Variants in GOLM2 observed in about 807,000 individuals in gnomAD.
GOLM2 encodes golgi membrane protein 2, also known as protein GOLM2.
GOLM2 carries 26 observed loss-of-function variants against 55.9 expected under a neutral mutation model. The observed-to-expected ratio is 0.47, with a 90% CI of 0.34 to 0.65. The LOEUF is 0.65. Ranked by LOEUF, GOLM2 falls within the 30% of genes least tolerant of loss-of-function variation. The pLI, the probability that GOLM2 is intolerant of heterozygous loss-of-function variation, is 0.01. For synonymous variants in GOLM2, 165 were observed against 194.6 expected (o/e 0.85, Z 1.27); for missense variants, 486 against 531.8 (o/e 0.91, Z 0.85).
chr15:44,296,272 CTG>C (rs1174044705), intron 1 of GOLM2, among the ~76,000 whole-genome samples: 1 of 152,164 alleles, frequency 6.6e-6, no homozygotes. Context: ...TGTGGTCCAG[CTG>C]TGGCACGTCA....
chr15:44,371,176 A>G (rs1313043180), intron 6 of GOLM2, among the ~76,000 whole-genome samples: 1 of 152,174 alleles, frequency 6.6e-6, no homozygotes, highest in Non-Finnish European at 1.5e-5. Flanking sequence ...CCAAACTCTG[A>G]TGATCTCTGT....
chr15:44,351,518 A>G (rs1425271136), intron 6 of GOLM2, among the ~76,000 whole-genome samples: 2 of 143,268 alleles, frequency 1.4e-5, no homozygotes, highest in African/African-American at 5.1e-5. Flanking sequence ...CACAGCTTGC[A>G]GTGAGCTGAG....
At chr15:44,303,164 A>G (rs2141112016) in intron 1 of GOLM2, among the ~76,000 whole-genome samples, 1 of 152,256 alleles carries the variant, frequency 6.6e-6, no homozygotes. Flanking sequence ...GTATAAATCT[A>G]ACACTTAATA....
intron 4 of GOLM2, among the ~76,000 whole-genome samples, chr15:44,335,693 C>G (rs1204875192): frequency 6.6e-6 from 1 of 151,898 alleles, no homozygotes; most frequent in Non-Finnish European, 1.5e-5. Context: ...AATGATTAAA[C>G]TATCAGAATT....
chr15:44,362,739 A>G (rs1310269890), intron 6 of GOLM2, among the ~76,000 whole-genome samples: 1 of 152,238 alleles, frequency 6.6e-6, no homozygotes, highest in Non-Finnish European at 1.5e-5. Flanking sequence ...CGCCAAGTCA[A>G]TCCTAAGCCA....
intron 6 of GOLM2, among the ~76,000 whole-genome samples, chr15:44,369,228 G>A (rs1449785650): frequency 7.0e-6 from 1 of 143,468 alleles, no homozygotes; most frequent in African/African-American, 2.6e-5. Flanking sequence ...GTGTGTGTGT[G>A]TGTGTGTTTG....
chr15:44,364,760 C>T (rs1169820214), intron 6 of GOLM2, among the ~76,000 whole-genome samples: 2 of 151,900 alleles, frequency 1.3e-5, no homozygotes, highest in Non-Finnish European at 2.9e-5. Context: ...AAACAGACAC[C>T]TCACCAAAGA....
intron 6 of GOLM2, among the ~76,000 whole-genome samples, chr15:44,363,024 C>G (rs1282526996): frequency 6.6e-6 from 1 of 152,154 alleles, no homozygotes; most frequent in African/African-American, 2.4e-5. Flanking sequence ...CTTCCTTACA[C>G]CTTATACAAA....
Position 44,379,913 on chromosome 15 carries a change from A to AT in GOLM2, c.901+134dup, listed in dbSNP as rs896657885. 198 of 490,462 alleles carry AT rather than the reference A, an allele frequency of 4.0e-4. No homozygotes were observed. In the Middle Eastern group the frequency reaches 6.1e-3, roughly 15 times the overall value. The allele number at this position is 490,462 out of a possible 1,614,324, so 30.4% of individuals were successfully genotyped here. A position where few individuals can be genotyped will look rare whatever the true frequency, so the allele number is the denominator to read the frequency against. Reference sequence around the variant, plus strand: ...AGCATTTATTCTTTGAGGTAATGTTATTTTTTTTTAGACTAGTAAAAGCAG... The same window carrying AT: ...AGCATTTATTCTTTGAGGTAATGTTATTTTTTTTTTAGACTAGTAAAAGCAG... On this transcript the variant is annotated intron_variant, in intron 7 of 9. Coordinates refer to ENST00000299957, the MANE Select transcript of GOLM2 (RefSeq NM_138423.4).
chr15:44,305,245 C>T (rs1567021029), intron 1 of GOLM2, among the ~76,000 whole-genome samples: 1 of 152,132 alleles, frequency 6.6e-6, no homozygotes, highest in Non-Finnish European at 1.5e-5. Context: ...AGCAATTTGC[C>T]TGCCTTGGCC....
chr15:44,383,235 T>C (rs549152662), intron 8 of GOLM2, among the ~76,000 whole-genome samples: 3 of 152,012 alleles, frequency 2.0e-5, no homozygotes, highest in African/African-American at 7.2e-5. Flanking sequence ...ATTTTCTCAT[T>C]GTAGCTGTCA....
At chr15:44,406,574 A>G (rs1394149885) in intron 9 of GOLM2, 2 of 152,166 alleles carry the variant, frequency 1.3e-5, no homozygotes, top group African/African-American at 4.8e-5. Context: ...GAATCATTAT[A>G]TATAACACAA....
At position 44,288,979 on chromosome 15, in the gene GOLM2, G is replaced by A; in HGVS notation, c.-51G>A. On this transcript the variant is annotated 5_prime_UTR_variant, in exon 1 of 10. Coordinates refer to ENST00000299957, the MANE Select transcript of GOLM2 (RefSeq NM_138423.4). ...AACTCCAGCCGAGGCCTGGGCTTCT[G>A]CCTGCAGGTGTCTGCGGCGAGGCCC... The A allele has an allele frequency of 6.6e-7, 1 of 1,516,648 alleles. No individual in the cohort carries two copies. The highest frequency in any genetic ancestry group is 9.0e-7 in the Non-Finnish European group (1 of 1,114,934). 93.9% of individuals were successfully genotyped at this position (1,516,648 alleles called of 1,614,324 possible). A position where few individuals can be genotyped will look rare whatever the true frequency, so the allele number is the denominator to read the frequency against.
At chr15:44,391,642 G>A (rs914456089) in intron 8 of GOLM2, among the ~76,000 whole-genome samples, 21 of 151,294 alleles carry the variant, frequency 1.4e-4, no homozygotes, top group African/African-American at 5.1e-4. Flanking sequence ...TAATATTAAA[G>A]GACACATGAT....
chr15:44,313,156 G>A (rs1365674679), intron 1 of GOLM2, among the ~76,000 whole-genome samples: 2 of 152,122 alleles, frequency 1.3e-5, no homozygotes, highest in Non-Finnish European at 2.9e-5. Context: ...GGCTGAGGCA[G>A]GAGAATTGCT....
chr15:44,334,035 G>A (rs2079040830), intron 4 of GOLM2, among the ~76,000 whole-genome samples: 1 of 152,114 alleles, frequency 6.6e-6, no homozygotes, highest in African/African-American at 2.4e-5. Context: ...ATTCTCTTAA[G>A]GAATACAGAT....
intron 6 of GOLM2, among the ~76,000 whole-genome samples, chr15:44,361,763 A>G (rs1293635892): frequency 6.6e-6 from 1 of 152,214 alleles, no homozygotes; most frequent in Non-Finnish European, 1.5e-5. Context: ...TTTTAGACCA[A>G]TATCCTTGCT....
At chr15:44,408,855 T>TG (rs2079615047) in intron 9 of GOLM2, among the ~76,000 whole-genome samples, 1 of 152,066 alleles carries the variant, frequency 6.6e-6, no homozygotes, top group Non-Finnish European at 1.5e-5. Flanking sequence ...TCCCAGCTAC[T>TG]GGGGAGCCTG....
intron 1 of GOLM2, among the ~76,000 whole-genome samples, chr15:44,296,507 G>A (rs533664022): frequency 7.2e-5 from 11 of 152,144 alleles, no homozygotes; most frequent in Admixed American, 1.3e-4. Flanking sequence ...GATGAGAAGC[G>A]TATTACAAAA....
Sources: gnomAD v4.1 joint callset for allele counts (sites outside exome capture counted in the v4.1 genomes callset) on GRCh38, gnomAD v4.1.1 for gene constraint, MANE v1.5 for transcripts, NCBI Gene and HGNC (gene_info 2026-07-23, HGNC 2026-07-21) for gene names.